The following CNIH3 variants were observed in gnomAD, a reference collection of about 807,000 sequenced individuals.
The protein encoded by CNIH3 is protein cornichon homolog 3.
A neutral mutation model predicts 24.1 loss-of-function variants in CNIH3; 14 were observed. The ratio of observed to expected loss-of-function variants is 0.58; its 90% CI spans 0.38 to 0.91. The LOEUF is 0.91. Ranked by LOEUF, CNIH3 falls within the 40% of genes least tolerant of loss-of-function variation. CNIH3 has a pLI of 0.00. For missense variants in CNIH3, 178 were observed against 196.8 expected, an observed-to-expected ratio of 0.90 and a Z score of 0.57; for synonymous variants, 68 against 73.8, an observed-to-expected ratio of 0.92 and a Z score of 0.40.
intron 1 of CNIH3, among the ~76,000 whole-genome samples, chr1:224,450,688 C>G (rs1346953709): frequency 2.0e-5 from 3 of 152,162 alleles, no homozygotes; most frequent in Non-Finnish European, 4.4e-5. Flanking sequence ...GTACTAGATA[C>G]TTATTGGCAG....
Position 224,617,104 on chromosome 1 carries a change from C to T in CNIH3, c.-71C>T, listed in dbSNP as rs1380276583. On this transcript the variant is annotated 5_prime_UTR_variant, in exon 1 of 6. Transcript: ENST00000272133. ...CAGACGCGGCTCCTTGGAGGGAGTG[C>T]GGTCCTCTAGGGAGGCATCGGGCTC... 20 of 1,583,096 alleles carry T rather than the reference C, an allele frequency of 1.3e-5. No individual in the cohort carries two copies. The Middle Eastern group carries it at 5.4e-4, about 43-fold the overall frequency.
chr1:224,457,160 T>A (rs1309656416), intron 1 of CNIH3, among the ~76,000 whole-genome samples: 1 of 151,754 alleles, frequency 6.6e-6, no homozygotes, highest in African/African-American at 2.4e-5. Flanking sequence ...ATGTGAGGAG[T>A]CAGTGGGAAG....
intron 1 of CNIH3, among the ~76,000 whole-genome samples, chr1:224,449,207 G>T (rs566952592): frequency 6.6e-6 from 1 of 151,594 alleles, no homozygotes; most frequent in Non-Finnish European, 1.5e-5. Flanking sequence ...CTTGTGATCC[G>T]CCTGCCTCGG....
chr1:224,615,898 A>G (rs1021013804), upstream of CNIH3, among the ~76,000 whole-genome samples: 3 of 152,216 alleles, frequency 2.0e-5, no homozygotes, highest in African/African-American at 7.2e-5. Context: ...TCCCCAACCA[A>G]CACTAGGCAA....
intron 1 of CNIH3, among the ~76,000 whole-genome samples, chr1:224,672,226 G>A (rs1363324700): frequency 6.6e-6 from 1 of 151,968 alleles, no homozygotes; most frequent in Non-Finnish European, 1.5e-5. Context: ...GAAGGTTTGG[G>A]GGGAGTATAA....
chr1:224,613,603 G>A (rs928061683), upstream of CNIH3, among the ~76,000 whole-genome samples: 1 of 152,156 alleles, frequency 6.6e-6, no homozygotes, highest in African/African-American at 2.4e-5. Context: ...TCTGGGTCAT[G>A]GGGGTGGATC....
intron 3 of CNIH3, among the ~76,000 whole-genome samples, chr1:224,696,591 T>G (rs901583447): frequency 1.3e-5 from 2 of 152,144 alleles, no homozygotes; most frequent in African/African-American, 2.4e-5. Flanking sequence ...TGAATGATAT[T>G]AAGTGGGACC....
At chr1:224,478,584 T>C (rs1438110394) in intron 1 of CNIH3, among the ~76,000 whole-genome samples, 2 of 152,232 alleles carry the variant, frequency 1.3e-5, no homozygotes, top group African/African-American at 4.8e-5. Context: ...GAGTTTTCTC[T>C]AAACAGATAT....
chr1:224,621,260 G>A (rs1375808555), intron 1 of CNIH3, among the ~76,000 whole-genome samples: 1 of 152,214 alleles, frequency 6.6e-6, no homozygotes, highest in Non-Finnish European at 1.5e-5. Context: ...GTGCCGAGAG[G>A]CAGTTTTGTT....
chr1:224,554,989 T>C (rs1680077150), intron 3 of CNIH3, among the ~76,000 whole-genome samples: 1 of 152,166 alleles, frequency 6.6e-6, no homozygotes, highest in South Asian at 2.1e-4. Context: ...TGCAAATATA[T>C]GGCACAATTT....
intron 1 of CNIH3, among the ~76,000 whole-genome samples, chr1:224,465,166 A>G (rs1038788516): frequency 5.9e-5 from 9 of 151,546 alleles, no homozygotes; most frequent in African/African-American, 1.9e-4. Flanking sequence ...CTGGAGTGCA[A>G]TGGCACAATC....
At chr1:224,712,949 A>G (rs532641407) in intron 3 of CNIH3, among the ~76,000 whole-genome samples, 3 of 152,350 alleles carry the variant, frequency 2.0e-5, no homozygotes, top group Non-Finnish European at 2.9e-5. Flanking sequence ...CTAAGTTGCC[A>G]AATGTCTCAG....
chr1:224,617,340 G>A (rs1683057971), intron 1 of CNIH3, 85 bp downstream of exon 1: 28 of 1,454,434 alleles, frequency 1.9e-5, no homozygotes, highest in Middle Eastern at 3.5e-4. Context: ...CACCTTGCGG[G>A]CGTGGGCGAA....
chr1:224,570,348 C>G (rs1414814917), intron 4 of CNIH3, among the ~76,000 whole-genome samples: 2 of 151,888 alleles, frequency 1.3e-5, no homozygotes, highest in Non-Finnish European at 2.9e-5. Flanking sequence ...TCTCCAGTGT[C>G]TGTTGTTGCC....
At chr1:224,640,045 G>A (rs1684281567) in intron 1 of CNIH3, among the ~76,000 whole-genome samples, 2 of 152,190 alleles carry the variant, frequency 1.3e-5, no homozygotes, top group African/African-American at 4.8e-5. Context: ...CAGGTCTTGA[G>A]CGTGAGCTGC....
chr1:224,562,099 G>A (rs1008257142), intron 3 of CNIH3, among the ~76,000 whole-genome samples: 6 of 152,144 alleles, frequency 3.9e-5, no homozygotes, highest in East Asian at 1.9e-4. Context: ...TGCTAATTAA[G>A]GGATTTTTGT....
At chr1:224,608,372 G>T (rs1413579111) in intron 3 of CNIH3, among the ~76,000 whole-genome samples, 1 of 152,130 alleles carries the variant, frequency 6.6e-6, no homozygotes, top group African/African-American at 2.4e-5. Context: ...GGGAGTGTTG[G>T]CAAGACTCAT....
intron 1 of CNIH3, among the ~76,000 whole-genome samples, chr1:224,469,875 T>C (rs1018203993): frequency 6.6e-6 from 1 of 152,206 alleles, no homozygotes; most frequent in African/African-American, 2.4e-5. Context: ...CTTCCTTTAA[T>C]ATTTTTTAAA....
chr1:224,515,035 C>T (rs1678323687), upstream of CNIH3, among the ~76,000 whole-genome samples: 1 of 152,214 alleles, frequency 6.6e-6, no homozygotes, highest in African/African-American at 2.4e-5. Flanking sequence ...TAGGAAGGAA[C>T]AGTTTTGTTA....
Sources: gnomAD v4.1 joint callset for allele counts (sites outside exome capture counted in the v4.1 genomes callset) on GRCh38, gnomAD v4.1.1 for gene constraint, MANE v1.5 for transcripts, NCBI Gene and HGNC (gene_info 2026-07-23, HGNC 2026-07-21) for gene names.